The following ADGRD1 variants were observed in gnomAD, a reference collection of about 807,000 sequenced individuals.
ADGRD1 encodes G-protein coupled receptor 133.
A neutral mutation model predicts 113.4 loss-of-function variants in ADGRD1; 77 were observed. The observed-to-expected ratio is 0.68, with a 90% CI of 0.57 to 0.82. ADGRD1 has a LOEUF of 0.82. ADGRD1 is among the 40% of genes least tolerant of loss of function. The pLI is 0.00. For synonymous variants in ADGRD1, 474 were observed against 475.0 expected, an observed-to-expected ratio of 1.00 and a Z score of 0.03; for missense variants, 1,036 against 1,139.1, an observed-to-expected ratio of 0.91 and a Z score of 1.30.
chr12:131,136,896 T>A, intron 22 of ADGRD1, 77 bp from the exon 23 acceptor site: 1 of 1,173,038 alleles, frequency 8.5e-7, no homozygotes, highest in Non-Finnish European at 1.3e-6. Context: ...ACTCCCAGGC[T>A]GCATGGGAGG....
At chr12:131,119,532 G>A (rs988765928) in intron 19 of ADGRD1, among the ~76,000 whole-genome samples, 1 of 152,208 alleles carries the variant, frequency 6.6e-6, no homozygotes, top group Non-Finnish European at 1.5e-5. Context: ...GGGTCTGACC[G>A]TAATACAAGC....
At chr12:131,023,249 T>A (rs1046964343) in intron 13 of ADGRD1, 1 of 152,252 alleles carries the variant, frequency 6.6e-6, no homozygotes, top group Non-Finnish European at 1.5e-5. Context: ...TCCTGTAGTG[T>A]CACTTAGAAC....
At chr12:131,069,866 G>T (rs1885016547) in intron 13 of ADGRD1, 1 of 152,224 alleles carries the variant, frequency 6.6e-6, no homozygotes, top group Admixed American at 6.5e-5. Context: ...GTAGCCTAAT[G>T]AGTGAAAATT....
chr12:131,018,507 A>G (rs1426965620), intron 13 of ADGRD1, among the ~76,000 whole-genome samples: 1 of 151,638 alleles, frequency 6.6e-6, no homozygotes, highest in Non-Finnish European at 1.5e-5. Context: ...CGGCCGCCTC[A>G]CGCAGCGCTT....
At chr12:131,038,969 G>T (rs1881830890) in intron 13 of ADGRD1, among the ~76,000 whole-genome samples, 1 of 152,250 alleles carries the variant, frequency 6.6e-6, no homozygotes, top group East Asian at 1.9e-4. Flanking sequence ...GAGCAAGGCT[G>T]TCCCCCTAGG....
rs1871652407 is a variant in ADGRD1 at position 130,971,509 on chromosome 12, G to A, written c.239G>A (p.Gly80Glu). The A allele has an allele frequency of 1.9e-6, 3 of 1,613,534 alleles. No homozygotes were observed. Among genetic ancestry groups the A allele is most frequent in the Non-Finnish European group, 2.5e-6 (3 of 1,179,740 alleles). Reference sequence around the variant, plus strand: ...GGCATTTACCTGAAAGAGGAAAAGGGAGTCACGCTTCTCTATTACGGCAGG... The same window carrying A: ...GGCATTTACCTGAAAGAGGAAAAGGAAGTCACGCTTCTCTATTACGGCAGG... ...NKGIYLKEEK[G>E]VTLLYYGRYN... The change falls in exon 4 of 25, where the codon GGA (glycine) becomes GAA (glutamate). Residue 80 changes from glycine to glutamate, a missense_variant. Transcript: ENST00000261654. This position sits in a 1 kb window ranked among gnomAD's most constrained non-coding sequence, Gnocchi z 4.2.
chr12:130,974,302 TA>T (rs1485369854), intron 4 of ADGRD1, among the ~76,000 whole-genome samples: 1 of 152,176 alleles, frequency 6.6e-6, no homozygotes, highest in Non-Finnish European at 1.5e-5. Context: ...CTGGAGCAAC[TA>T]AAACAAAAAT....
In ADGRD1 at chr12:131,137,043, C is replaced by T. The variant is rs377762805; in HGVS notation, c.2436+29C>T. 3 of 1,589,474 alleles carry T rather than the reference C, an allele frequency of 1.9e-6. No individual in the cohort carries two copies. In the East Asian group the frequency reaches 6.7e-5, roughly 36 times the overall value. On this transcript the variant is annotated intron_variant, in intron 23 of 24. Coordinates refer to ENST00000261654, the MANE Select transcript of ADGRD1 (RefSeq NM_198827.5). ...CGTCCGCTCTGCTTGCTGGCAGGTGCAGGTGCAGCTGGCTTTTCCTTTCCG... is the reference window on the plus strand; with the variant it reads ...CGTCCGCTCTGCTTGCTGGCAGGTGTAGGTGCAGCTGGCTTTTCCTTTCCG...
intron 12 of ADGRD1, among the ~76,000 whole-genome samples, chr12:131,011,472 A>G (rs903877184): frequency 3.9e-5 from 6 of 151,980 alleles, no homozygotes; most frequent in Non-Finnish European, 5.9e-5. Context: ...AGATTCATCC[A>G]CTCGCTCACT....
intron 13 of ADGRD1, chr12:131,024,341 G>A (rs1045986553): frequency 3.9e-5 from 6 of 152,304 alleles, no homozygotes; most frequent in African/African-American, 1.4e-4. Context: ...CCTGGCAGAG[G>A]GGAGGTCGAG....
chr12:131,109,006 G>C (rs1950295001), intron 18 of ADGRD1, 129 bp downstream of exon 18: 1 of 440,826 alleles, frequency 2.3e-6, no homozygotes, highest in Admixed American at 3.7e-5. Flanking sequence ...GATGGGGGGA[G>C]GTGGGAATGG....
chr12:131,126,148 G>A (rs1265976870), intron 20 of ADGRD1, among the ~76,000 whole-genome samples: 2 of 152,186 alleles, frequency 1.3e-5, no homozygotes, highest in Non-Finnish European at 2.9e-5. Context: ...CGACAGGTTC[G>A]GAGAGGTGGA....
intron 8 of ADGRD1, among the ~76,000 whole-genome samples, chr12:130,999,278 G>A (rs1876024783): frequency 6.6e-6 from 1 of 152,230 alleles, no homozygotes; most frequent in African/African-American, 2.4e-5. Context: ...CACTGCCATG[G>A]CAGAGTTGAG....
intron 15 of ADGRD1, among the ~76,000 whole-genome samples, chr12:131,085,701 G>A (rs376449712): frequency 6.6e-6 from 1 of 152,186 alleles, no homozygotes; most frequent in Non-Finnish European, 1.5e-5. Flanking sequence ...TGGCTGCTCC[G>A]AGCCAGGCTG....
At chr12:131,004,335 C>T (rs1314333651) in intron 11 of ADGRD1, 39 bp downstream of exon 11, 3 of 1,419,214 alleles carry the variant, frequency 2.1e-6, no homozygotes, top group Middle Eastern at 1.8e-4. Flanking sequence ...CGGGGCGGCT[C>T]CCTCAAGTCT....
intron 13 of ADGRD1, among the ~76,000 whole-genome samples, chr12:131,029,154 G>C (rs918876778): frequency 6.6e-6 from 1 of 152,332 alleles, no homozygotes; most frequent in East Asian, 1.9e-4. Context: ...TGGAGTGTTT[G>C]TTTTGTTAGT....
intron 13 of ADGRD1, among the ~76,000 whole-genome samples, chr12:131,048,001 G>T (rs533372532): frequency 6.6e-6 from 1 of 152,342 alleles, no homozygotes; most frequent in South Asian, 2.1e-4. Flanking sequence ...TGAGATGGGG[G>T]TGGCAGAGGC....
chr12:130,956,105 T>C (rs1397163838), intron 2 of ADGRD1, among the ~76,000 whole-genome samples: 2 of 152,232 alleles, frequency 1.3e-5, no homozygotes, highest in Non-Finnish European at 2.9e-5. Flanking sequence ...CAGCCTTTAA[T>C]GATCAACCAC....
intron 15 of ADGRD1, among the ~76,000 whole-genome samples, chr12:131,098,787 C>T (rs544776260): frequency 2.0e-5 from 3 of 152,354 alleles, no homozygotes; most frequent in East Asian, 1.9e-4. Context: ...TACACATCCA[C>T]GTCTTTGTTC....
Sources: allele counts gnomAD v4.1 joint callset (sites outside exome capture counted in the v4.1 genomes callset), GRCh38; gene constraint gnomAD v4.1.1; non-coding constraint Gnocchi (gnomAD v3.1); transcripts MANE v1.5; gene names NCBI Gene and HGNC (gene_info 2026-07-23, HGNC 2026-07-21).